Variants in CERT1 observed in about 807,000 individuals in gnomAD.
The protein encoded by CERT1 is ceramide transporter 1, also known as ceramide transfer protein.
A neutral mutation model predicts 87.9 loss-of-function variants in CERT1; 31 were observed. The ratio of observed to expected loss-of-function variants is 0.35; its 90% CI spans 0.27 to 0.48. The LOEUF (loss-of-function observed/expected upper bound fraction) is 0.48. Ranked by LOEUF, CERT1 falls within the 20% of genes least tolerant of loss-of-function variation. CERT1 has a pLI of 0.99. For synonymous variants in CERT1, 289 were observed against 250.9 expected, an observed-to-expected ratio of 1.15 and a Z score of -1.44; for missense variants, 487 against 758.0, an observed-to-expected ratio of 0.64 and a Z score of 4.20.
chr5:75,480,841 C>A (rs938975829), intron 2 of CERT1, among the ~76,000 whole-genome samples: 6 of 152,158 alleles, frequency 3.9e-5, no homozygotes, highest in African/African-American at 1.4e-4. Flanking sequence ...CAAAAGAAAT[C>A]CAGAATCCAA....
chr5:75,425,434 T>C lies in CERT1; in HGVS notation c.522A>G (p.Gln174=), dbSNP rs774382117. ...CAAAGTACTTCTGTAGCGTGTCAACTTGTCTACATAAGATGTCTCTAAATG... is the reference window on the plus strand; with the variant it reads ...CAAAGTACTTCTGTAGCGTGTCAACCTGTCTACATAAGATGTCTCTAAATG... ...METFRDILCR[Q]VDTLQKYFDA... Residue 174 remains glutamine, a synonymous_variant, in exon 5 of 17, where the codon CAA becomes CAG. Transcript: ENST00000643780. 4.3e-6 allele frequency: 7 copies of C among 1,613,944 alleles called. No individual in the cohort carries two copies. In the Admixed American group the frequency reaches 1.0e-4, roughly 23 times the overall value.
downstream of CERT1, chr5:75,377,318 C>T (rs890561430): frequency 1.3e-5 from 2 of 152,170 alleles, no homozygotes; most frequent in Admixed American, 6.5e-5. Context: ...ATTACTATAA[C>T]CTCTATGAAA....
At chr5:75,384,084 T>C (rs1034738452) in intron 14 of CERT1, among the ~76,000 whole-genome samples, 2 of 152,220 alleles carry the variant, frequency 1.3e-5, no homozygotes, top group Non-Finnish European at 2.9e-5. Flanking sequence ...CATAGGCTAA[T>C]ACCATGCTAG....
chr5:75,511,759 C>T (rs1768020921), upstream of CERT1: 1 of 1,551,340 alleles, frequency 6.4e-7, no homozygotes, highest in East Asian at 2.4e-5. Context: ...CGAACCCTAC[C>T]TCCGGCTCTC....
chr5:75,380,668 A>G lies in CERT1; in HGVS notation c.1747+404T>C, dbSNP rs1469168281. 5.3e-5 allele frequency among the ~76,000 whole-genome samples: 8 copies of G among 151,380 alleles called. No individual in the cohort carries two copies. The East Asian group carries it at 1.6e-3, about 30-fold the overall frequency. ...CCAGGCGTGGTTGTGGGCACCTGTAATCCCAGCTACAGAGGCAGAGAATCG... is the reference window on the plus strand; with the variant it reads ...CCAGGCGTGGTTGTGGGCACCTGTAGTCCCAGCTACAGAGGCAGAGAATCG... On this transcript the variant is annotated intron_variant, in intron 16 of 16. Coordinates refer to ENST00000643780, the MANE Select transcript of CERT1 (RefSeq NM_001379029.1).
chr5:75,459,774 C>T (rs534811590), intron 2 of CERT1, among the ~76,000 whole-genome samples: 30 of 151,960 alleles, frequency 2.0e-4, no homozygotes, highest in Non-Finnish European at 3.5e-4. Flanking sequence ...ACCAGCCTGG[C>T]CAAGATGGTG....
chr5:75,387,832 A>T (rs1478413078), intron 12 of CERT1, among the ~76,000 whole-genome samples: 1 of 152,046 alleles, frequency 6.6e-6, no homozygotes, highest in Non-Finnish European at 1.5e-5. Context: ...TGTTCTCTTT[A>T]GAGAGTAACT....
At chr5:75,401,055 A>G (rs1203911472) in intron 9 of CERT1, 1 of 152,204 alleles carries the variant, frequency 6.6e-6, no homozygotes, top group Non-Finnish European at 1.5e-5. Flanking sequence ...ATGAAGAGGG[A>G]AATGATCTAA....
At chr5:75,388,599 CATATATAT>C (rs59799780) in intron 12 of CERT1, among the ~76,000 whole-genome samples, 5,046 of 91,692 alleles carry the variant, frequency 0.055, 207 homozygotes, top group Admixed American at 0.086. Flanking sequence ...AGCATGCATG[CATATATAT>C]ATATATATAT....
Position 75,465,852 on chromosome 5 carries a change from G to A in CERT1, c.232-6671C>T, listed in dbSNP as rs114833769. ...AGGCTGGAGAGGAAAACAAGGAAAA[G>A]GGGGGGTAGAGAAGGACAGCGCAAC... On this transcript the variant is annotated intron_variant, in intron 2 of 16. Coordinates refer to ENST00000643780, the MANE Select transcript of CERT1 (RefSeq NM_001379029.1). Among the ~76,000 whole-genome samples, 1,111 of 152,206 alleles carry A rather than the reference G, an allele frequency of 7.3e-3. 11 individuals carry two copies. Among genetic ancestry groups the A allele is most frequent in the African/African-American group, 0.024 (998 of 41,522 alleles).
intron 5 of CERT1, among the ~76,000 whole-genome samples, chr5:75,423,330 T>C (rs1022292690): frequency 2.6e-5 from 4 of 152,182 alleles, no homozygotes; most frequent in African/African-American, 9.6e-5. Context: ...TTAAAAGGTA[T>C]ACTTTTTTAA....
At chr5:75,416,121 T>G (rs901102108) in intron 7 of CERT1, among the ~76,000 whole-genome samples, 2 of 152,176 alleles carry the variant, frequency 1.3e-5, no homozygotes, top group Admixed American at 6.5e-5. Context: ...TGATGTCTAA[T>G]CTGGCATCCA....
chr5:75,372,618 T>C (rs1309903398), intron 17 of CERT1: 1 of 152,248 alleles, frequency 6.6e-6, no homozygotes, highest in Non-Finnish European at 1.5e-5. Flanking sequence ...CGCGTGCATG[T>C]AATGTAAGCA....
At chr5:75,400,367 T>C (rs1433346750) in intron 9 of CERT1, 70 bp from the exon 10 acceptor site, 4 of 1,079,172 alleles carry the variant, frequency 3.7e-6, no homozygotes, top group East Asian at 5.1e-5. Context: ...ATGGATAATA[T>C]AACCTGGAAC....
intron 11 of CERT1, among the ~76,000 whole-genome samples, chr5:75,390,148 A>T (rs1285792446): frequency 6.6e-6 from 1 of 152,150 alleles, no homozygotes; most frequent in Admixed American, 6.6e-5. Flanking sequence ...GAGAGAGAGC[A>T]TATCTTTGCC....
chr5:75,491,643 G>C (rs895672838), intron 2 of CERT1, among the ~76,000 whole-genome samples: 36 of 152,136 alleles, frequency 2.4e-4, no homozygotes. Flanking sequence ...CGGCAATGGG[G>C]TAAAAGCATG....
At chr5:75,389,730 T>A in intron 11 of CERT1, 43 bp from the exon 12 acceptor site, 1 of 1,437,176 alleles carries the variant, frequency 7.0e-7, no homozygotes, top group Non-Finnish European at 9.8e-7. Context: ...AAAAGGTATG[T>A]CATAATCTCT....
chr5:75,431,158 C>G (rs772137731), intron 3 of CERT1, among the ~76,000 whole-genome samples: 11 of 152,118 alleles, frequency 7.2e-5, no homozygotes, highest in Non-Finnish European at 1.5e-4. Flanking sequence ...AATTTCATCA[C>G]CTAGGACGTG....
Position 75,399,324 on chromosome 5 carries a change from T to C in CERT1, c.1174A>G (p.Arg392Gly). 6.2e-7 allele frequency: 1 copy of C among 1,612,246 alleles called. No homozygotes were observed. Among genetic ancestry groups the C allele is most frequent in the Non-Finnish European group, 8.5e-7 (1 of 1,178,324 alleles). Residue 392 changes from arginine (R) to glycine (G), a missense_variant, in exon 11 of 17, where the codon AGA (arginine) becomes GGA (glycine). Transcript: ENST00000643780. ...DLVSASDDVH[R>G]FSSQVEEMVQ... ...TCATACAGTACCTGGGAGCTGAATCTGTGAACATCATCAGAGGCACTGACT... is the reference window on the plus strand; with the variant it reads ...TCATACAGTACCTGGGAGCTGAATCCGTGAACATCATCAGAGGCACTGACT...
Sources: gnomAD v4.1 joint callset for allele counts (sites outside exome capture counted in the v4.1 genomes callset) on GRCh38, gnomAD v4.1.1 for gene constraint, MANE v1.5 for transcripts, NCBI Gene and HGNC (gene_info 2026-07-23, HGNC 2026-07-21) for gene names.